ERCC6: variants seen among roughly 807,000 people sequenced by gnomAD.
The protein encoded by ERCC6 is DNA excision repair protein ERCC-6.
A neutral mutation model predicts 158.7 loss-of-function variants in ERCC6; 116 were observed. The observed-to-expected ratio is 0.73, with a 90% CI of 0.63 to 0.85. ERCC6 has a LOEUF of 0.85. ERCC6 is among the 40% of genes least tolerant of loss of function. ERCC6 has a pLI of 0.00. For synonymous variants in ERCC6, 678 were observed against 659.3 expected (o/e 1.03, Z -0.43); for missense variants, 1,698 against 1,799.4 (o/e 0.94, Z 1.02).
At chr10:49,492,972 A>T in intron 8 of ERCC6, 145 bp downstream of exon 8, 1 of 808,394 alleles carries the variant, frequency 1.2e-6, no homozygotes, top group Non-Finnish European at 2.0e-6. Flanking sequence ...GCTCTAAAGT[A>T]AGTCAATAAT....
chr10:49,489,029 G>A (rs1200488406), intron 8 of ERCC6, among the ~76,000 whole-genome samples: 2 of 151,974 alleles, frequency 1.3e-5, no homozygotes, highest in African/African-American at 2.4e-5. Flanking sequence ...ATGATCCGCC[G>A]GCCTCAGCCT....
chr10:49,514,500 G>A (rs1836892181), intron 5 of ERCC6, among the ~76,000 whole-genome samples: 1 of 152,154 alleles, frequency 6.6e-6, no homozygotes, highest in African/African-American at 2.4e-5. Flanking sequence ...GTCACCTACC[G>A]TGGTGCTCAA....
the ERCC6 span, among the ~76,000 whole-genome samples, chr10:49,442,813 A>C: frequency 2.6e-5 from 4 of 152,162 alleles, no homozygotes; most frequent in Non-Finnish European, 4.4e-5. Flanking sequence ...CCATCTTTTT[A>C]TTCCTATTTT....
intron 5 of ERCC6, among the ~76,000 whole-genome samples, chr10:49,518,455 T>C (rs1837051326): frequency 6.6e-6 from 1 of 152,222 alleles, no homozygotes; most frequent in African/African-American, 2.4e-5. Flanking sequence ...CCTGGGTGGC[T>C]GTAAGGATTA....
At chr10:49,486,730 G>C (rs1366944228) in intron 8 of ERCC6, among the ~76,000 whole-genome samples, 1 of 152,186 alleles carries the variant, frequency 6.6e-6, no homozygotes, top group East Asian at 1.9e-4. Flanking sequence ...TGAACAATGT[G>C]AAAAAGATGT....
intron 15 of ERCC6, 164 bp downstream of exon 15, chr10:49,472,745 A>G (rs931308128): frequency 1.0e-5 from 9 of 868,306 alleles, no homozygotes; most frequent in Non-Finnish European, 1.4e-5. Flanking sequence ...GTTCCTGTCC[A>G]TTTGACTCTG....
the ERCC6 span, among the ~76,000 whole-genome samples, chr10:49,448,320 T>A: frequency 4.5e-3 from 681 of 152,356 alleles, 3 homozygotes; most frequent in African/African-American, 0.016. Context: ...ATGTGCTTTT[T>A]GGCCATTTGT....
chr10:49,435,719 C>A, the ERCC6 span, among the ~76,000 whole-genome samples: 1 of 152,064 alleles, frequency 6.6e-6, no homozygotes. Flanking sequence ...AGGAAGAGGG[C>A]AGGGTGCAAT....
chr10:49,537,017 G>T (rs1837613269), intron 1 of ERCC6, among the ~76,000 whole-genome samples: 1 of 152,204 alleles, frequency 6.6e-6, no homozygotes, highest in African/African-American at 2.4e-5. Flanking sequence ...AAACCAGAAG[G>T]CTCTTATCAG....
Position 49,461,381 on chromosome 10 carries a change from C to G in ERCC6, c.3954G>C (p.Arg1318Ser). 1 of 1,613,738 alleles carries G rather than the reference C, an allele frequency of 6.2e-7. No homozygotes were observed. The highest frequency in any genetic ancestry group is 8.5e-7 in the Non-Finnish European group (1 of 1,180,044). ...TTCCTGCTGGTGCACCAGAAATCCCCCTGTGGCCAGTCCAGGTGGGAACAC... is the reference window on the plus strand; with the variant it reads ...TTCCTGCTGGTGCACCAGAAATCCCGCTGTGGCCAGTCCAGGTGGGAACAC... ...VSGVPTWTGHRGISGAPAGKK... is the reference protein window; with the variant it reads ...VSGVPTWTGHSGISGAPAGKK... The change falls in exon 19 of 21, where the codon AGG (arginine) becomes AGC (serine). Residue 1318 changes from arginine (R) to serine (S), a missense_variant. Arg to Ser is a moderately radical substitution (Grantham distance 110). Transcript: ENST00000355832.
At chr10:49,533,896 G>A (rs1284437660) in intron 1 of ERCC6, among the ~76,000 whole-genome samples, 1 of 152,046 alleles carries the variant, frequency 6.6e-6, no homozygotes, top group East Asian at 1.9e-4. Context: ...CACTTTGGGA[G>A]GCTGAAGCGG....
chr10:49,521,841 T>C (rs1837172574), intron 5 of ERCC6, among the ~76,000 whole-genome samples: 1 of 152,182 alleles, frequency 6.6e-6, no homozygotes, highest in Non-Finnish European at 1.5e-5. Flanking sequence ...TTAAAAAAGC[T>C]ATGGAAAGGG....
chr10:49,499,268 T>C (rs1005898902), intron 7 of ERCC6, among the ~76,000 whole-genome samples: 10 of 152,218 alleles, frequency 6.6e-5, no homozygotes, highest in African/African-American at 2.4e-4. Context: ...CCTACATCTA[T>C]ATAAATGCAA....
At chr10:49,497,480 T>C (rs1370785199) in intron 7 of ERCC6, among the ~76,000 whole-genome samples, 1 of 152,258 alleles carries the variant, frequency 6.6e-6, no homozygotes, top group Non-Finnish European at 1.5e-5. Flanking sequence ...CATTTTGTTA[T>C]CTAAGGCTAG....
At chr10:49,530,978 C>A in intron 2 of ERCC6, 138 bp from the exon 3 acceptor site, 3 of 1,205,160 alleles carry the variant, frequency 2.5e-6, no homozygotes, top group Non-Finnish European at 3.4e-6. Context: ...AGAATACATA[C>A]CCTTATTGGC....
chr10:49,516,580 C>T (rs1489543761), intron 5 of ERCC6: 1 of 1,613,966 alleles, frequency 6.2e-7, no homozygotes, highest in Admixed American at 1.7e-5. Context: ...CATTTGAATT[C>T]AGAGCTAGTC....
intron 9 of ERCC6, 34 bp from the exon 10 acceptor site, chr10:49,482,897 T>C: frequency 1.2e-6 from 2 of 1,612,940 alleles, no homozygotes; most frequent in Non-Finnish European, 1.7e-6. Flanking sequence ...TTTTATTAAA[T>C]TTACCTTTTA....
intron 11 of ERCC6, 141 bp downstream of exon 11, chr10:49,478,213 A>C: frequency 1.3e-6 from 1 of 770,426 alleles, no homozygotes; most frequent in South Asian, 1.4e-5. Flanking sequence ...CACTGAGGGC[A>C]GACGCCACAG....
In ERCC6 at chr10:49,473,604, G is replaced by A; in HGVS notation, c.2599-17C>T. Reference sequence around the variant, plus strand: ...GTCCAGCATCTGTTTGGAGGTGGGGGATAGGAGTTTGCAAAGCAAATACAC... The same window carrying A: ...GTCCAGCATCTGTTTGGAGGTGGGGAATAGGAGTTTGCAAAGCAAATACAC... On this transcript the variant is annotated splice_polypyrimidine_tract_variant and intron_variant, in intron 13 of 20. Coordinates refer to ENST00000355832, the MANE Select transcript of ERCC6 (RefSeq NM_000124.4). 6.8e-7 allele frequency: 1 copy of A among 1,460,632 alleles called. No individual in the cohort carries two copies. The highest frequency in any genetic ancestry group is 2.3e-5 in the East Asian group (1 of 44,166). The allele number at this position is 1,460,632 out of a possible 1,614,324, so 90.5% of individuals were successfully genotyped here. A position where few individuals can be genotyped will look rare whatever the true frequency, so the allele number is the denominator to read the frequency against.
Sources: allele counts gnomAD v4.1 joint callset (sites outside exome capture counted in the v4.1 genomes callset), GRCh38; gene constraint gnomAD v4.1.1; transcripts MANE v1.5; gene names NCBI Gene and HGNC (gene_info 2026-07-23, HGNC 2026-07-21).